The following MYO18A variants were observed in gnomAD, a reference collection of about 807,000 sequenced individuals.
The protein encoded by MYO18A is unconventional myosin-XVIIIa.
MYO18A carries 78 observed loss-of-function variants against 235.8 expected under a neutral mutation model. That is an observed-to-expected ratio of 0.33 (90% CI 0.28 to 0.40). The LOEUF is 0.40. Ranked by LOEUF, MYO18A falls within the 10% of genes least tolerant of loss-of-function variation. The probability of loss-of-function intolerance (pLI) is 1.00; values close to 1 mark genes in which losing one functional copy is unlikely to be tolerated. For synonymous variants in MYO18A, 977 were observed against 1,077.8 expected (o/e 0.91, Z 1.83); for missense variants, 2,215 against 2,699.3 (o/e 0.82, Z 3.98).
Position 29,121,750 on chromosome 17 carries a change from A to T in MYO18A, c.1195-27T>A. On this transcript the variant is annotated intron_variant, in intron 4 of 41. Coordinates refer to ENST00000527372, the MANE Select transcript of MYO18A (RefSeq NM_078471.4). The surrounding 1 kb of genome is among the most constrained non-coding windows in gnomAD (Gnocchi z 4.2). The stretch of plus-strand genomic sequence containing the variant: ...TGTGTGGGAGGACAGGCGGGTGGGT[A>T]TTAGAGCAGCAGAGCCCATCTCCGC... 1 of 1,579,912 alleles carries T rather than the reference A, an allele frequency of 6.3e-7. No homozygotes were observed. The highest frequency in any genetic ancestry group is 8.6e-7 in the Non-Finnish European group (1 of 1,161,282).
chr17:29,083,808 C>T (rs1424588502), intron 40 of MYO18A, among the ~76,000 whole-genome samples: 2 of 152,122 alleles, frequency 1.3e-5, no homozygotes, highest in East Asian at 3.8e-4. Context: ...CTGATTTATA[C>T]ACCTGTGCAA....
At chr17:29,097,975 A>T in intron 25 of MYO18A, 76 bp from the exon 26 acceptor site, 2 of 1,572,560 alleles carry the variant, frequency 1.3e-6, no homozygotes, top group Non-Finnish European at 1.7e-6. Flanking sequence ...GACCATGATC[A>T]CATGCTTACC....
chr17:29,122,136 A>T, intron 3 of MYO18A, 30 bp downstream of exon 3: 1 of 1,601,682 alleles, frequency 6.2e-7, no homozygotes, highest in South Asian at 1.1e-5. Context: ...GTGAGTCCTG[A>T]CATGTGCCCC....
chr17:29,089,845 G>A (rs2066353616), intron 37 of MYO18A, 116 bp downstream of exon 37: 3 of 1,349,152 alleles, frequency 2.2e-6, no homozygotes, highest in East Asian at 2.5e-5. Context: ...CTGGCAGTGA[G>A]GCACAGGCCT....
intron 30 of MYO18A, 148 bp downstream of exon 30, chr17:29,094,502 G>A (rs1046676504): frequency 3.8e-6 from 3 of 794,012 alleles, no homozygotes; most frequent in African/African-American, 3.4e-5. Flanking sequence ...CACAGATCAG[G>A]TGCTCACTCC....
rs1241495865 is a variant in MYO18A at position 29,114,886 on chromosome 17, AG to A, written c.2511+20del. 6.2e-7 allele frequency: 1 copy of A among 1,600,992 alleles called. No homozygotes were observed. On this transcript the variant is annotated intron_variant, in intron 14 of 41. Transcript: ENST00000527372. ...CAAGGCCAGAATCTGAGGCTAGATG[AG>A]GCCCAGGCCCCAGAGCTACCTCCTT...
Position 29,109,949 on chromosome 17 carries a change from G to A in MYO18A, c.3240C>T (p.Cys1080=), listed in dbSNP as rs1178213651. ...SELDLPSGDH[C]EAGLLQLDVP... ...CGTCGAGCTGCAGGAGCCCAGCCTCGCAGTGGTCTCCCGAGGGCAGGTCCA... is the reference window on the plus strand; with the variant it reads ...CGTCGAGCTGCAGGAGCCCAGCCTCACAGTGGTCTCCCGAGGGCAGGTCCA... Residue 1080 remains cysteine, a synonymous_variant, in exon 19 of 42, where the codon TGC becomes TGT. Transcript: ENST00000527372. This position sits in a 1 kb window ranked among gnomAD's most constrained non-coding sequence, Gnocchi z 4.1. 1 of 1,607,862 alleles carries A rather than the reference G, an allele frequency of 6.2e-7. No homozygotes were observed. The highest frequency in any genetic ancestry group is 8.5e-7 in the Non-Finnish European group (1 of 1,177,490).
rs376349190 is a variant in MYO18A, at chr17:29,121,860, G to A, written c.1185C>T (p.Asp395=). 15 of 1,613,440 alleles carry A rather than the reference G, an allele frequency of 9.3e-6. No homozygotes were observed. Among genetic ancestry groups the A allele is most frequent in the Admixed American group, 1.7e-5 (1 of 59,994 alleles). ...DGAILDVDED[D]VEKANAPSCD... is the part of the protein sequence containing the mutation. Reference sequence around the variant, plus strand: ...CCCCCTGCCCACCTACCTTCTCAACGTCATCCTCATCCACATCCAGGATGG... The same window carrying A: ...CCCCCTGCCCACCTACCTTCTCAACATCATCCTCATCCACATCCAGGATGG... The change falls in exon 4 of 42, where the codon GAC becomes GAT. Residue 395 remains aspartate (D), a synonymous_variant. Transcript: ENST00000527372. This position sits in a 1 kb window ranked among gnomAD's most constrained non-coding sequence, Gnocchi z 4.2.
intron 41 of MYO18A, chr17:29,080,847 A>C (rs8073831): frequency 1.0e-6 from 1 of 985,220 alleles, no homozygotes; most frequent in Non-Finnish European, 1.2e-6. Context: ...GGGGCCTCTC[A>C]GGGGAGGCCG....
rs1224490349 is a variant in MYO18A, at chr17:29,096,968, G to A, written c.4231-53C>T. On this transcript the variant is annotated intron_variant, in intron 27 of 41. Transcript: ENST00000527372. The stretch of plus-strand genomic sequence containing the variant: ...AGAGAGACCCAGAAGCATAGGTGGA[G>A]AAGGTGAGGAGAGGGAAGTGGGTGA... 11 of 1,486,218 alleles carry A rather than the reference G, an allele frequency of 7.4e-6. No individual in the cohort carries two copies. The East Asian group carries it at 2.5e-4, about 33-fold the overall frequency. The allele number at this position is 1,486,218 out of a possible 1,614,324, so 92.1% of individuals were successfully genotyped here. A position where few individuals can be genotyped will look rare whatever the true frequency, so the allele number is the denominator to read the frequency against.
intron 37 of MYO18A, among the ~76,000 whole-genome samples, chr17:29,089,477 C>A (rs1211651290): frequency 2.9e-4 from 23 of 79,314 alleles, no homozygotes; most frequent in South Asian, 9.1e-4. Context: ...GGATCATAAT[C>A]AAGAAAAAGG....
chr17:29,175,642 G>T (rs2152992227), intron 1 of MYO18A, among the ~76,000 whole-genome samples: 1 of 151,906 alleles, frequency 6.6e-6, no homozygotes, highest in South Asian at 2.1e-4. Flanking sequence ...GGGATTACAG[G>T]TGTGAACCAC....
rs1370375968 is a variant in MYO18A at position 29,158,501 on chromosome 17, C to T, written c.999+7441G>A. ...GCAGAGGTGGGGGCCCTGAAAACTC[C>T]GCTCTTTCGCAGTGGCTGTCTGGCA... On this transcript the variant is annotated intron_variant, in intron 2 of 41. Transcript: ENST00000527372. This position sits in a 1 kb window ranked among gnomAD's most constrained non-coding sequence, Gnocchi z 4.3. Among the ~76,000 whole-genome samples the T allele has an allele frequency of 3.3e-5, 5 of 152,350 alleles. No homozygotes were observed. Among genetic ancestry groups the T allele is most frequent in the Admixed American group, 6.5e-5 (1 of 15,310 alleles).
At position 29,098,998 on chromosome 17, in the gene MYO18A, C is replaced by T. The variant is rs200306352; in HGVS notation, c.3637-29G>A. On this transcript the variant is annotated intron_variant, in intron 22 of 41. Coordinates refer to ENST00000527372, the MANE Select transcript of MYO18A (RefSeq NM_078471.4). ...CAGGTGGGGTGGGGGTGGTGCACAG[C>T]GGGGCTCTCAGTCACCCTGGCCAAG... 3.1e-4 allele frequency: 502 copies of T among 1,610,692 alleles called. 1 individual carries two copies. In the African/African-American group the frequency reaches 5.7e-3, roughly 18 times the overall value.
intron 21 of MYO18A, among the ~76,000 whole-genome samples, chr17:29,100,244 G>A (rs2066621001): frequency 2.0e-5 from 3 of 152,234 alleles, no homozygotes; most frequent in South Asian, 2.1e-4. Flanking sequence ...GATGCTGGAG[G>A]ATGTCTGTGT....
rs1192828704 is a variant in MYO18A, at chr17:29,090,059, A to G, written c.5428T>C (p.Ser1810Pro). ...CTCACCAGGGACTTGTCCACCATGG[A>G]CTGCTCCAGGAACTCCACCTGGCTC... ...LQSQVEFLEQ[S>P]MVDKSLVSRQ... The change falls in exon 37 of 42, where the codon TCC becomes CCC. Residue 1810 changes from serine (S) to proline (P), a missense_variant. Transcript: ENST00000527372. The G allele has an allele frequency of 1.2e-6, 2 of 1,613,722 alleles. No homozygotes were observed. Among genetic ancestry groups the G allele is most frequent in the East Asian group, 2.2e-5 (1 of 44,882 alleles).
chr17:29,093,277 A>G, intron 32 of MYO18A, 46 bp downstream of exon 32: 1 of 1,526,060 alleles, frequency 6.6e-7, no homozygotes, highest in Non-Finnish European at 9.0e-7. Flanking sequence ...CTCAGGCCGC[A>G]TGGGCAGGGA....
At position 29,087,114 on chromosome 17, in the gene MYO18A, G is replaced by C. The variant is rs779614480; in HGVS notation, c.5534C>G (p.Ala1845Gly). 1.2e-6 allele frequency: 2 copies of C among 1,613,218 alleles called. No individual in the cohort carries two copies. The highest frequency in any genetic ancestry group is 1.7e-6 in the Non-Finnish European group (2 of 1,179,440). Residue 1845 changes from alanine to glycine, a missense_variant, in exon 38 of 42, where the codon GCT becomes GGT. Physicochemically the swap from Ala to Gly is moderately conservative, Grantham distance 60. Transcript: ENST00000527372. ...CTCCATGTTTTCCTTGAGACGGCTA[G>C]CCAGGCTCTGGATAGGTAGGTGGGG... is the stretch of plus-strand genomic sequence containing the variant. Reference protein sequence around the residue: ...RTQVKRLESLASRLKENMEKL... With the variant: ...RTQVKRLESLGSRLKENMEKL...
chr17:29,162,609 C>T (rs1045665519), intron 2 of MYO18A, among the ~76,000 whole-genome samples: 1 of 152,206 alleles, frequency 6.6e-6, no homozygotes, highest in Non-Finnish European at 1.5e-5. Context: ...TCAGAGGGTA[C>T]TGTCATGGTC....
Sources: allele counts gnomAD v4.1 joint callset (sites outside exome capture counted in the v4.1 genomes callset), GRCh38; gene constraint gnomAD v4.1.1; non-coding constraint Gnocchi (gnomAD v3.1); transcripts MANE v1.5; gene names NCBI Gene and HGNC (gene_info 2026-07-23, HGNC 2026-07-21).